RBFOX2: variants seen among roughly 807,000 people sequenced by gnomAD.
RBFOX2 encodes the protein RNA binding protein fox-1 homolog 2.
RBFOX2 carries 10 observed loss-of-function variants against 49.1 expected under a neutral mutation model. That is an observed-to-expected ratio of 0.20 (90% confidence interval 0.13 to 0.35). The LOEUF (loss-of-function observed/expected upper bound fraction) is 0.35, where lower values mean the gene tolerates loss of function less well. Ranked by LOEUF, RBFOX2 falls within the 10% of genes least tolerant of loss-of-function variation. The pLI, the probability that RBFOX2 is intolerant of heterozygous loss-of-function variation, is 1.00. For missense variants in RBFOX2, 323 were observed against 486.9 expected (o/e 0.66, Z 3.17); for synonymous variants, 183 against 187.4 (o/e 0.98, Z 0.19).
chr22:35,957,067 T>C (rs2055649635), intron 1 of RBFOX2, among the ~76,000 whole-genome samples: 2 of 152,290 alleles, frequency 1.3e-5, no homozygotes, highest in African/African-American at 4.8e-5. Context: ...CACAGTAGCA[T>C]GTGTAGTGAG....
intron 1 of RBFOX2, among the ~76,000 whole-genome samples, chr22:35,880,992 T>C (rs1050212707): frequency 5.3e-5 from 8 of 152,154 alleles, no homozygotes; most frequent in African/African-American, 1.2e-4. Flanking sequence ...CAGCTGGGCA[T>C]GGTGGCTCAC....
chr22:35,948,145 T>G (rs2149817272), intron 1 of RBFOX2, among the ~76,000 whole-genome samples: 1 of 152,334 alleles, frequency 6.6e-6, no homozygotes, highest in East Asian at 1.9e-4. Flanking sequence ...TACATTGTGT[T>G]ACAACTGCCT....
chr22:35,888,883 A>G (rs1016514405), intron 1 of RBFOX2, among the ~76,000 whole-genome samples: 4 of 152,186 alleles, frequency 2.6e-5, no homozygotes, highest in African/African-American at 9.7e-5. Context: ...GGCCGGGCAC[A>G]CTGACTAAGT....
intron 1 of RBFOX2, among the ~76,000 whole-genome samples, chr22:35,840,022 A>T (rs1205290750): frequency 6.6e-6 from 1 of 152,200 alleles, no homozygotes; most frequent in Non-Finnish European, 1.5e-5. Context: ...TACATAACAC[A>T]CACATAAACG....
At chr22:35,840,839 T>C (rs562665492), upstream of RBFOX2, among the ~76,000 whole-genome samples, 1 of 152,332 alleles carries the variant, frequency 6.6e-6, no homozygotes, top group South Asian at 2.1e-4. Flanking sequence ...TTAATATTAA[T>C]AAAACATTTT....
intron 1 of RBFOX2, among the ~76,000 whole-genome samples, chr22:35,959,971 C>A (rs548055050): frequency 2.0e-5 from 3 of 152,084 alleles, no homozygotes; most frequent in Non-Finnish European, 2.9e-5. Context: ...GTAAATGCTA[C>A]GTAGTTATTT....
At chr22:35,880,360 A>G (rs1041977108) in intron 1 of RBFOX2, among the ~76,000 whole-genome samples, 5 of 152,208 alleles carry the variant, frequency 3.3e-5, no homozygotes, top group African/African-American at 9.7e-5. Context: ...AGGGCAGAGG[A>G]AGGCAAGTAA....
chr22:35,896,866 C>T (rs1334670848), intron 1 of RBFOX2, among the ~76,000 whole-genome samples: 2 of 152,156 alleles, frequency 1.3e-5, no homozygotes, highest in Non-Finnish European at 2.9e-5. Flanking sequence ...CTGAGATAGC[C>T]TGTTTTCTAA....
At chr22:35,828,092 C>T (rs1475420190) in intron 1 of RBFOX2, among the ~76,000 whole-genome samples, 2 of 149,224 alleles carry the variant, frequency 1.3e-5, no homozygotes, top group Non-Finnish European at 3.0e-5. Context: ...GCCTGGGAAA[C>T]GGAGGTTGCA....
Position 35,950,109 on chromosome 22 carries a change from ATT to A in RBFOX2, c.43-11214_43-11213del, listed in dbSNP as rs146393323. Among the ~76,000 whole-genome samples, 396 of 107,966 alleles carry A rather than the reference ATT, an allele frequency of 3.7e-3. 2 individuals are homozygous for A. Among genetic ancestry groups the A allele is most frequent in the Middle Eastern group, 0.012 (2 of 168 alleles). 70.8% of individuals were successfully genotyped at this position (107,966 alleles called of 152,430 possible). ...TGGTATTGATGTAAGGTCCAACTTC[ATT>A]TTTTTTTTTTTTTTTTGCATGTGTC... On this transcript the variant is annotated intron_variant, in intron 1 of 5. Coordinates refer to the RBFOX2 transcript ENST00000408983.
intron 1 of RBFOX2, among the ~76,000 whole-genome samples, chr22:35,913,870 G>C (rs1416743173): frequency 2.6e-5 from 4 of 152,076 alleles, no homozygotes; most frequent in Non-Finnish European, 5.9e-5. Flanking sequence ...GAAGGGGTGG[G>C]CAGAGCTGGC....
intron 1 of RBFOX2, among the ~76,000 whole-genome samples, chr22:35,877,032 A>T (rs1165886641): frequency 6.6e-6 from 1 of 152,204 alleles, no homozygotes; most frequent in African/African-American, 2.4e-5. Context: ...AAGGAGTAGG[A>T]GTACTTTCAA....
At chr22:35,908,119 C>T (rs927939259) in intron 1 of RBFOX2, among the ~76,000 whole-genome samples, 1 of 152,094 alleles carries the variant, frequency 6.6e-6, no homozygotes, top group African/African-American at 2.4e-5. Context: ...TATTCCACAC[C>T]AAAATGATAG....
At chr22:35,786,459 G>A (rs908028671) in intron 2 of RBFOX2, among the ~76,000 whole-genome samples, 1 of 152,202 alleles carries the variant, frequency 6.6e-6, no homozygotes, top group Non-Finnish European at 1.5e-5. Flanking sequence ...TAAGCATAGA[G>A]CTGAATATTC....
intron 1 of RBFOX2, among the ~76,000 whole-genome samples, chr22:35,839,393 GA>G (rs1958294836): frequency 6.7e-6 from 1 of 149,620 alleles, no homozygotes; most frequent in Non-Finnish European, 1.5e-5. Flanking sequence ...AGAAAGAGGG[GA>G]AAAGGATGAG....
At chr22:35,783,939 C>A (rs1945803095) in intron 2 of RBFOX2, among the ~76,000 whole-genome samples, 2 of 152,168 alleles carry the variant, frequency 1.3e-5, no homozygotes, top group African/African-American at 4.8e-5. Context: ...ACAGGCACAC[C>A]CCCCTGAAAA....
At chr22:35,823,919 G>A (rs551212890) in intron 1 of RBFOX2, among the ~76,000 whole-genome samples, 1 of 152,258 alleles carries the variant, frequency 6.6e-6, no homozygotes, top group South Asian at 2.1e-4. Flanking sequence ...GAAGGCCGAG[G>A]CGGGTGGATC....
intron 1 of RBFOX2, among the ~76,000 whole-genome samples, chr22:35,865,378 T>C (rs564654077): frequency 2.6e-5 from 4 of 152,282 alleles, no homozygotes; most frequent in South Asian, 4.1e-4. Context: ...ACCAGGCCTA[T>C]AGCACCAATT....
At chr22:35,932,666 A>C (rs967456541) in intron 1 of RBFOX2, among the ~76,000 whole-genome samples, 3 of 152,334 alleles carry the variant, frequency 2.0e-5, no homozygotes, top group African/African-American at 7.2e-5. Flanking sequence ...AGATCACCTG[A>C]GGTCAGAAGT....
Sources: allele counts gnomAD v4.1 joint callset (sites outside exome capture counted in the v4.1 genomes callset), GRCh38; gene constraint gnomAD v4.1.1; transcripts MANE v1.5; gene names NCBI Gene and HGNC (gene_info 2026-07-23, HGNC 2026-07-21).